The following IFNGR2 variants were observed in gnomAD, a reference collection of about 807,000 sequenced individuals.
IFNGR2 encodes interferon gamma receptor 2, also known as IFN-gamma receptor 2.
Under a neutral mutation model 41.1 loss-of-function variants are expected in IFNGR2, and 15 were observed. The observed-to-expected ratio is 0.37, with a 90% CI of 0.24 to 0.56. The LOEUF is 0.56. IFNGR2 is among the 20% of genes least tolerant of loss of function. The pLI, the probability that IFNGR2 is intolerant of heterozygous loss-of-function variation, is 0.81. For missense variants in IFNGR2, 362 were observed against 415.7 expected (o/e 0.87, Z 1.12); for synonymous variants, 161 against 171.6 (o/e 0.94, Z 0.48).
At position 33,419,965 on chromosome 21, in the gene IFNGR2, G is replaced by T. The variant is rs970161054; in HGVS notation, c.207-1515G>T. Among the ~76,000 whole-genome samples, 14 of 152,240 alleles carry T rather than the reference G, an allele frequency of 9.2e-5. No individual in the cohort carries two copies. The East Asian group carries it at 1.4e-3, about 15-fold the overall frequency. Reference sequence around the variant, plus strand: ...TTAGGTATCTGTCTACCTTGAAAAAGAAATCACTCACCTCTTCCAGAGCAC... The same window carrying T: ...TTAGGTATCTGTCTACCTTGAAAAATAAATCACTCACCTCTTCCAGAGCAC... On this transcript the variant is annotated intron_variant, in intron 2 of 6. Transcript: ENST00000290219.
At chr21:33,406,132 G>T (rs2083675809) in intron 1 of IFNGR2, among the ~76,000 whole-genome samples, 1 of 152,194 alleles carries the variant, frequency 6.6e-6, no homozygotes, top group South Asian at 2.1e-4. Flanking sequence ...CATTACTTTG[G>T]GAGGCAGAGG....
intron 6 of IFNGR2, 53 bp downstream of exon 6, chr21:33,432,924 T>TA: frequency 6.8e-7 from 1 of 1,460,726 alleles, no homozygotes; most frequent in East Asian, 2.3e-5. Context: ...CTTGCTCTGT[T>TA]GCCCAGGCGG....
chr21:33,418,818 G>A lies in IFNGR2; in HGVS notation c.207-2662G>A, dbSNP rs537201410. Among the ~76,000 whole-genome samples, 6 of 151,748 alleles carry A rather than the reference G, an allele frequency of 4.0e-5. No individual in the cohort carries two copies. In the South Asian group the frequency reaches 8.3e-4, roughly 21 times the overall value. The stretch of plus-strand genomic sequence containing the variant: ...TAGAAAAAAATAATAATAAATAACA[G>A]GAAAAAAAACCAATCCTGATGTCAG... On this transcript the variant is annotated intron_variant, in intron 2 of 6. Coordinates refer to ENST00000290219, the MANE Select transcript of IFNGR2 (RefSeq NM_005534.4).
chr21:33,407,546 C>G (rs1297136891), intron 1 of IFNGR2, among the ~76,000 whole-genome samples: 1 of 152,188 alleles, frequency 6.6e-6, no homozygotes, highest in East Asian at 1.9e-4. Flanking sequence ...AAAGTCAAAC[C>G]TTTCTTGATA....
intron 1 of IFNGR2, 142 bp from the exon 2 acceptor site, chr21:33,414,746 G>A: frequency 1.0e-6 from 1 of 992,528 alleles, no homozygotes; most frequent in Non-Finnish European, 1.5e-6. Flanking sequence ...CATGCCCAGG[G>A]GGACCTGGTA....
Position 33,427,022 on chromosome 21 carries a change from G to A in IFNGR2, c.551G>A (p.Gly184Glu). Reference protein sequence around the residue: ...CYYVHYWEKGGIQQVKGPFRS... With the variant: ...CYYVHYWEKGEIQQVKGPFRS... ...TATGTCCATTACTGGGAAAAAGGAG[G>A]AATCCAACAGGCAAGAGCATCTTTC... The change falls in exon 4 of 7, where the codon GGA becomes GAA. Residue 184 changes from glycine (G) to glutamate (E), a missense_variant. Gly to Glu is a moderately conservative substitution (Grantham distance 98, BLOSUM62 -2). Transcript: ENST00000290219. 2 of 1,611,302 alleles carry A rather than the reference G, an allele frequency of 1.2e-6. No homozygotes were observed.
chr21:33,412,425 A>G lies in IFNGR2; in HGVS notation c.74-2463A>G, dbSNP rs1452926090. The stretch of plus-strand genomic sequence containing the variant: ...ATTGCACTAAGTCTATGAGTAACTA[A>G]TTTTGTTTCAACTAGAAAGTCAGAG... On this transcript the variant is annotated intron_variant, in intron 1 of 6. Coordinates refer to ENST00000290219, the MANE Select transcript of IFNGR2 (RefSeq NM_005534.4). Among the ~76,000 whole-genome samples the G allele has an allele frequency of 3.9e-5, 6 of 152,318 alleles. No homozygotes were observed. The East Asian group carries it at 9.6e-4, about 24-fold the overall frequency.
intron 4 of IFNGR2, 83 bp downstream of exon 4, chr21:33,427,115 G>C (rs775773923): frequency 1.5e-4 from 182 of 1,207,862 alleles, no homozygotes; most frequent in Non-Finnish European, 2.1e-4. Context: ...TTTAACATGG[G>C]CAAGAACAGG....
chr21:33,420,003 C>T (rs946854994), intron 2 of IFNGR2, among the ~76,000 whole-genome samples: 2 of 152,152 alleles, frequency 1.3e-5, no homozygotes, highest in African/African-American at 2.4e-5. Flanking sequence ...CCCTCACCCC[C>T]GACCTGAGAG....
chr21:33,434,280 G>C lies in IFNGR2; in HGVS notation c.879+1409G>C, dbSNP rs573302555. On this transcript the variant is annotated intron_variant, in intron 6 of 6. Coordinates refer to ENST00000290219, the MANE Select transcript of IFNGR2 (RefSeq NM_005534.4). ...CCCACACCTGTAATCCCAGGACTTG[G>C]GGAGGCCAGGGTGGGCAGATCACCT... is the stretch of plus-strand genomic sequence containing the variant. 4.4e-4 allele frequency among the ~76,000 whole-genome samples: 67 copies of C among 152,260 alleles called. No individual in the cohort carries two copies. The Middle Eastern group carries it at 0.014, about 31-fold the overall frequency.
chr21:33,421,822 C>T (rs2083795587), intron 3 of IFNGR2, 137 bp downstream of exon 3: 7 of 774,748 alleles, frequency 9.0e-6, no homozygotes, highest in Non-Finnish European at 1.4e-5. Flanking sequence ...CAAACCCACA[C>T]TCTGACCTTG....
In IFNGR2 at chr21:33,427,052, T is replaced by C; in HGVS notation, c.561+20T>C. ...CAACAGGCAAGAGCATCTTTCTTTTTTGTTTGGATTTTCTTTTCTTTGCAG... is the reference window on the plus strand; with the variant it reads ...CAACAGGCAAGAGCATCTTTCTTTTCTGTTTGGATTTTCTTTTCTTTGCAG... On this transcript the variant is annotated intron_variant, in intron 4 of 6. Coordinates refer to ENST00000290219, the MANE Select transcript of IFNGR2 (RefSeq NM_005534.4). The C allele has an allele frequency of 6.2e-7, 1 of 1,604,768 alleles. No individual in the cohort carries two copies. Among genetic ancestry groups the C allele is most frequent in the Non-Finnish European group, 8.5e-7 (1 of 1,171,940 alleles).
intron 1 of IFNGR2, among the ~76,000 whole-genome samples, chr21:33,413,009 G>C (rs2083727825): frequency 6.7e-6 from 1 of 149,636 alleles, no homozygotes; most frequent in African/African-American, 2.4e-5. Flanking sequence ...TTCTGGCTTT[G>C]ATGTCTGGGC....
intron 6 of IFNGR2, among the ~76,000 whole-genome samples, chr21:33,436,323 C>T (rs1227859239): frequency 5.3e-5 from 8 of 150,094 alleles, no homozygotes; most frequent in Non-Finnish European, 1.2e-4. Context: ...CGTGAAACTC[C>T]GTCTCAAAAA....
chr21:33,421,515 C>A lies in IFNGR2; in HGVS notation c.242C>A (p.Ser81Tyr), dbSNP rs2083791927. The A allele has an allele frequency of 6.2e-7, 1 of 1,614,002 alleles. No homozygotes were observed. The highest frequency in any genetic ancestry group is 8.5e-7 in the Non-Finnish European group (1 of 1,179,970). ...DSKWFTADIM[S>Y]IGVNCTQITA... ...AAATGGTTCACGGCCGACATCATGT[C>A]CATAGGGGTGAATTGTACACAGATC... The change falls in exon 3 of 7, where the codon TCC (serine) becomes TAC (tyrosine). Residue 81 changes from serine to tyrosine, a missense_variant. By Grantham distance (144) the Ser-to-Tyr change is moderately radical. Coordinates refer to ENST00000290219, the MANE Select transcript of IFNGR2 (RefSeq NM_005534.4).
In IFNGR2 at chr21:33,410,888, T is replaced by C. The variant is rs186595928; in HGVS notation, c.74-4000T>C. The stretch of plus-strand genomic sequence containing the variant: ...AATGGTGCAATGATTCAGCAGCTAC[T>C]CATGGTAAGACAAGAGTATCTGGGT... On this transcript the variant is annotated intron_variant, in intron 1 of 6. Coordinates refer to ENST00000290219, the MANE Select transcript of IFNGR2 (RefSeq NM_005534.4). The C allele has an allele frequency of 5.2e-6, 8 of 1,543,512 alleles. No homozygotes were observed. The Admixed American group carries it at 1.4e-4, about 26-fold the overall frequency.
At chr21:33,426,821 T>G in intron 3 of IFNGR2, 63 bp from the exon 4 acceptor site, 1 of 1,110,150 alleles carries the variant, frequency 9.0e-7, no homozygotes, top group Non-Finnish European at 1.4e-6. Context: ...ATATAATACA[T>G]TGTATTATAT....
At chr21:33,418,702 C>G (rs1260755830) in intron 2 of IFNGR2, among the ~76,000 whole-genome samples, 1 of 152,074 alleles carries the variant, frequency 6.6e-6, no homozygotes, top group Admixed American at 6.5e-5. Context: ...TCATGGGTAG[C>G]AGACAGTGGC....
intron 1 of IFNGR2, chr21:33,411,650 C>G (rs2083716722): frequency 8.0e-6 from 3 of 374,372 alleles, no homozygotes; most frequent in Admixed American, 6.0e-5. Context: ...CCACAGGGTC[C>G]CCAAAAGATG....
Sources: gnomAD v4.1 joint callset for allele counts (sites outside exome capture counted in the v4.1 genomes callset) on GRCh38, gnomAD v4.1.1 for gene constraint, MANE v1.5 for transcripts, NCBI Gene and HGNC (gene_info 2026-07-23, HGNC 2026-07-21) for gene names.